Variants in GSDMD observed in about 807,000 individuals in gnomAD.
GSDMD encodes gasdermin D.
GSDMD carries 46 observed loss-of-function variants against 46.7 expected under a neutral mutation model. That is an observed-to-expected ratio of 0.99 (90% CI 0.78 to 1.26). GSDMD has a LOEUF of 1.26. Ranked by LOEUF, GSDMD falls within the 50% of genes most tolerant of loss-of-function variation. The pLI, the probability that GSDMD is intolerant of heterozygous loss-of-function variation, is 0.00. For synonymous variants in GSDMD, 307 were observed against 283.1 expected, an observed-to-expected ratio of 1.08 and a Z score of -0.85; for missense variants, 649 against 638.8, an observed-to-expected ratio of 1.02 and a Z score of -0.17.
At position 143,559,362 on chromosome 8, in the gene GSDMD, C is replaced by T; in HGVS notation, c.27C>T (p.Val9=). 1 of 1,452,330 alleles carries T rather than the reference C, an allele frequency of 6.9e-7. No individual in the cohort carries two copies. The allele number at this position is 1,452,330 out of a possible 1,614,324, so 90.0% of individuals were successfully genotyped here. A position where few individuals can be genotyped will look rare whatever the true frequency, so the allele number is the denominator to read the frequency against. The part of the protein sequence containing the change: MGSAFERV[V]RRVVQELDHG... The stretch of plus-strand genomic sequence containing the variant: ...TGGGGTCGGCCTTTGAGCGGGTAGT[C>T]CGGAGAGTGGTCCAGGAGCTGGACC... Residue 9 remains valine, a synonymous_variant, in exon 2 of 11, where the codon GTC becomes GTT. Coordinates refer to ENST00000262580, the MANE Select transcript of GSDMD (RefSeq NM_024736.7).
Position 143,562,362 on chromosome 8 carries a change from C to A in GSDMD, c.1138+12C>A. 2.0e-6 allele frequency: 1 copy of A among 494,464 alleles called. No homozygotes were observed. The allele number at this position is 494,464 out of a possible 1,614,324, so 30.6% of individuals were successfully genotyped here. ...GGGGGCACTGACCAGTGAGCGGCCG[C>A]TGGGGGCAGGTGGCGGGTGGGAGGG... On this transcript the variant is annotated intron_variant, in intron 9 of 10. Transcript: ENST00000262580.
Position 143,559,813 on chromosome 8 carries a change from C to G in GSDMD, c.254C>G (p.Ala85Gly). 4 of 1,609,472 alleles carry G rather than the reference C, an allele frequency of 2.5e-6. No individual in the cohort carries two copies. The highest frequency in any genetic ancestry group is 3.4e-6 in the Non-Finnish European group (4 of 1,178,284). Residue 85 changes from alanine to glycine, a missense_variant, in exon 3 of 11, where the codon GCC becomes GGC. Physicochemically the swap from Ala to Gly is moderately conservative, Grantham distance 60. Transcript: ENST00000262580. ...QRGRSFHFYD[A>G]MDGQIQGSVE... is the part of the protein sequence containing the mutation. ...GGCAGGAGCTTCCACTTCTACGATG[C>G]CATGGATGGGCAGATACAGGGCAGC...
chr8:143,558,859 GAC>G (rs1478561620), intron 1 of GSDMD: 4 of 535,236 alleles, frequency 7.5e-6, no homozygotes, highest in Non-Finnish European at 1.4e-5. Flanking sequence ...CTCAGCCTTG[GAC>G]AGGTGGCTCA....
In GSDMD at chr8:143,559,977, C is replaced by T. The variant is rs574006829; in HGVS notation, c.410+8C>T. On this transcript the variant is annotated splice_region_variant and intron_variant, in intron 3 of 10. Coordinates refer to ENST00000262580, the MANE Select transcript of GSDMD (RefSeq NM_024736.7). The stretch of plus-strand genomic sequence containing the variant: ...GACTCTGCTCCATGAGAGGTGGGCC[C>T]GAAGAGGGCAGGGCAGGGCAGGGCC... 182 of 1,502,460 alleles carry T rather than the reference C, an allele frequency of 1.2e-4. 1 individual carries two copies. In the Middle Eastern group the frequency reaches 2.1e-3, roughly 18 times the overall value. 93.1% of individuals were successfully genotyped at this position (1,502,460 alleles called of 1,614,324 possible). A position where few individuals can be genotyped will look rare whatever the true frequency, so the allele number is the denominator to read the frequency against.
At chr8:143,557,870 C>T (rs1823345588), upstream of GSDMD, 2 of 421,084 alleles carry the variant, frequency 4.7e-6, no homozygotes, top group Non-Finnish European at 9.3e-6. Context: ...TGCCCAGACC[C>T]TTCGGCACAG....
upstream of GSDMD, among the ~76,000 whole-genome samples, chr8:143,556,852 T>C (rs1823306118): frequency 6.6e-6 from 1 of 152,266 alleles, no homozygotes; most frequent in African/African-American, 2.4e-5. Context: ...TGAGACATAA[T>C]TGTGTAATTC....
intron 1 of GSDMD, chr8:143,558,970 G>A: frequency 3.5e-6 from 2 of 570,216 alleles, no homozygotes; most frequent in South Asian, 1.6e-5. Flanking sequence ...ACTCTGGCTG[G>A]GTTTTGCAGT....
In GSDMD at chr8:143,560,595, G is replaced by A. The variant is rs191334111; in HGVS notation, c.411-8G>A. 41 of 1,574,456 alleles carry A rather than the reference G, an allele frequency of 2.6e-5. No homozygotes were observed. Among genetic ancestry groups the A allele is most frequent in the Middle Eastern group, 1.7e-4 (1 of 5,996 alleles). On this transcript the variant is annotated splice_polypyrimidine_tract_variant and splice_region_variant and intron_variant, in intron 3 of 10. Coordinates refer to ENST00000262580, the MANE Select transcript of GSDMD (RefSeq NM_024736.7). ...GGCCCAGCGAGCTTTGCTGCTCCTC[G>A]GACACAGGCACCTGCGGCAGCCAGA...
chr8:143,558,153 A>C, upstream of GSDMD: 1 of 631,018 alleles, frequency 1.6e-6, no homozygotes, highest in Non-Finnish European at 2.6e-6. Context: ...GCACAGGCTC[A>C]GAGTTTTAAG....
At chr8:143,559,215 G>T in intron 1 of GSDMD, 117 bp from the exon 2 acceptor site, 1 of 681,992 alleles carries the variant, frequency 1.5e-6, no homozygotes. Context: ...GAGCTGGGCA[G>T]GGCTGTTCTG....
intron 10 of GSDMD, 43 bp downstream of exon 10, chr8:143,562,564 A>G: frequency 6.3e-7 from 1 of 1,599,820 alleles, no homozygotes; most frequent in Non-Finnish European, 8.5e-7. Flanking sequence ...GGGCTGAGCC[A>G]GTGGAAGGGG....
chr8:143,557,050 T>C (rs1823310705), upstream of GSDMD, among the ~76,000 whole-genome samples: 1 of 152,250 alleles, frequency 6.6e-6, no homozygotes, highest in Admixed American at 6.5e-5. Context: ...TTCTTCCCTC[T>C]GGACGTGCCC....
At chr8:143,556,963 C>T (rs929938249), upstream of GSDMD, among the ~76,000 whole-genome samples, 6 of 152,274 alleles carry the variant, frequency 3.9e-5, no homozygotes, top group Non-Finnish European at 8.8e-5. Context: ...AAAACACTTC[C>T]TCACCCCAGA....
In GSDMD at chr8:143,559,935, G is replaced by A. The variant is rs1295061917; in HGVS notation, c.376G>A (p.Asp126Asn). 1.2e-6 allele frequency: 2 copies of A among 1,612,752 alleles called. No individual in the cohort carries two copies. The highest frequency in any genetic ancestry group is 2.2e-5 in the East Asian group (1 of 44,880). The change falls in exon 3 of 11, where the codon GAC (aspartate) becomes AAC (asparagine). Residue 126 changes from aspartate (D) to asparagine (N), a missense_variant. Coordinates refer to ENST00000262580, the MANE Select transcript of GSDMD (RefSeq NM_024736.7). The part of the protein sequence containing the change: ...TSMNVYSLSV[D>N]PNTWQTLLHE... Reference sequence around the variant, plus strand: ...AATGAATGTGTACTCGCTGAGTGTGGACCCTAACACCTGGCAGACTCTGCT... The same window carrying A: ...AATGAATGTGTACTCGCTGAGTGTGAACCCTAACACCTGGCAGACTCTGCT...
chr8:143,559,280 T>TACCCC, intron 1 of GSDMD, 52 bp from the exon 2 acceptor site: 20 of 579,426 alleles, frequency 3.5e-5, no homozygotes, highest in East Asian at 6.3e-5. Flanking sequence ...CTTCTCCCAC[T>TACCCC]CCCTCCCGCC....
chr8:143,557,340 A>C (rs1476744412), upstream of GSDMD, among the ~76,000 whole-genome samples: 6 of 140,760 alleles, frequency 4.3e-5, no homozygotes, highest in African/African-American at 1.6e-4. Context: ...GCTATGGTGA[A>C]GGATGCTGCC....
chr8:143,562,567 G>A, intron 10 of GSDMD, 46 bp downstream of exon 10: 1 of 1,599,274 alleles, frequency 6.3e-7, no homozygotes, highest in Non-Finnish European at 8.5e-7. Context: ...CTGAGCCAGT[G>A]GAAGGGGCCC....
upstream of GSDMD, chr8:143,558,231 C>T (rs993473319): frequency 4.0e-6 from 5 of 1,261,310 alleles, no homozygotes; most frequent in Non-Finnish European, 2.1e-6. Flanking sequence ...TTCCTCCGGA[C>T]GCGCGAGGCT....
upstream of GSDMD, among the ~76,000 whole-genome samples, chr8:143,557,442 C>T (rs113639311): frequency 0.013 from 1,959 of 149,998 alleles, 51 homozygotes; most frequent in African/African-American, 0.047. Context: ...GCCGCTGTGA[C>T]GACGGATGCT....
Sources: gnomAD v4.1 joint callset for allele counts (sites outside exome capture counted in the v4.1 genomes callset) on GRCh38, gnomAD v4.1.1 for gene constraint, MANE v1.5 for transcripts, NCBI Gene and HGNC (gene_info 2026-07-23, HGNC 2026-07-21) for gene names.